Variants in CCDC171 observed in about 807,000 individuals in gnomAD.
The protein encoded by CCDC171 is coiled-coil domain containing 171, also known as coiled-coil domain-containing protein 171.
In CCDC171, 177 loss-of-function variants were observed where a neutral mutation model predicts 168.2. The ratio of observed to expected loss-of-function variants is 1.05; its 90% CI spans 0.93 to 1.19. The LOEUF is 1.19. Ranked by LOEUF, CCDC171 falls within the 50% of genes most tolerant of loss-of-function variation. The pLI is 0.00. For missense variants in CCDC171, 1,991 were observed against 1,539.0 expected, an observed-to-expected ratio of 1.29 and a Z score of -4.91; for synonymous variants, 687 against 540.8, an observed-to-expected ratio of 1.27 and a Z score of -3.75.
chr9:15,552,942 C>T (rs543056184), upstream of CCDC171: 50 of 151,440 alleles, frequency 3.3e-4, no homozygotes, highest in African/African-American at 1.0e-3. Flanking sequence ...CTCTTCCAAT[C>T]CGAGCCAGCG....
chr9:16,107,371 T>C, the CCDC171 span, among the ~76,000 whole-genome samples: 8 of 152,208 alleles, frequency 5.3e-5, no homozygotes, highest in African/African-American at 9.7e-5. Context: ...ACTTTACGTA[T>C]ATCTGAGCTC....
At position 15,657,203 on chromosome 9, in the gene CCDC171, A is replaced by C; in HGVS notation, c.899A>C (p.Asn300Thr). The C allele has an allele frequency of 6.2e-7, 1 of 1,604,596 alleles. No homozygotes were observed. The highest frequency in any genetic ancestry group is 1.1e-5 in the South Asian group (1 of 90,650). Residue 300 changes from asparagine to threonine, a missense_variant, in exon 8 of 26, where the codon AAT (asparagine) becomes ACT (threonine). Asn to Thr is a moderately conservative substitution (Grantham distance 65). Transcript: ENST00000380701. ...ERAAHLESKF[N>T]SEIIQLRIRD... The stretch of plus-strand genomic sequence containing the variant: ...GCAGCGCATTTGGAATCAAAATTTA[A>C]TTCTGAAATTATTCAGGTAAAATGT...
chr9:15,715,713 G>GT (rs1044364914), intron 11 of CCDC171, among the ~76,000 whole-genome samples: 54 of 152,276 alleles, frequency 3.5e-4, no homozygotes, highest in African/African-American at 1.2e-3. Context: ...AATGAAGTAG[G>GT]TAACAAGGTG....
At chr9:15,986,233 A>T (rs1303197175) in intron 3 of CCDC171, among the ~76,000 whole-genome samples, 1 of 152,216 alleles carries the variant, frequency 6.6e-6, no homozygotes, top group Non-Finnish European at 1.5e-5. Context: ...CAAAGAATTG[A>T]CCAATATGTA....
intron 3 of CCDC171, among the ~76,000 whole-genome samples, chr9:15,576,091 C>A (rs1286339631): frequency 2.0e-4 from 28 of 140,992 alleles, no homozygotes; most frequent in South Asian, 2.3e-4. Context: ...GACTCTGTCT[C>A]AAAAAAAAAA....
At chr9:15,795,777 A>G (rs1221935744) in intron 21 of CCDC171, among the ~76,000 whole-genome samples, 1 of 152,194 alleles carries the variant, frequency 6.6e-6, no homozygotes, top group Non-Finnish European at 1.5e-5. Context: ...TCTACTCAGG[A>G]CTGTGGGTGG....
intron 21 of CCDC171, among the ~76,000 whole-genome samples, chr9:15,785,881 T>C (rs1194706982): frequency 6.6e-6 from 1 of 152,084 alleles, no homozygotes; most frequent in East Asian, 1.9e-4. Flanking sequence ...ACTATTATTA[T>C]GATTTTGATT....
At chr9:15,656,870 T>A (rs547216720) in intron 7 of CCDC171, among the ~76,000 whole-genome samples, 24 of 152,110 alleles carry the variant, frequency 1.6e-4, no homozygotes, top group Non-Finnish European at 2.6e-4. Context: ...TGTATAAAAA[T>A]TTATCAAAAA....
intron 11 of CCDC171, among the ~76,000 whole-genome samples, chr9:15,701,665 C>T (rs953607360): frequency 5.3e-5 from 8 of 151,620 alleles, no homozygotes; most frequent in African/African-American, 1.2e-4. Context: ...CTGCAACCTC[C>T]GCCTCTCCGG....
Position 15,761,648 on chromosome 9 carries a change from A to T in CCDC171, c.2672-15952A>T, listed in dbSNP as rs569570368. Among the ~76,000 whole-genome samples, 347 of 152,186 alleles carry T rather than the reference A, an allele frequency of 2.3e-3. 3 individuals carry two copies. The highest frequency in any genetic ancestry group is 0.01 in the Middle Eastern group (3 of 294). ...ATTTTTATTTTGTTATTTAAAAAAAATTTTTTGTGTATGGGATTTTGTTAT... is the reference window on the plus strand; with the variant it reads ...ATTTTTATTTTGTTATTTAAAAAAATTTTTTTGTGTATGGGATTTTGTTAT... On this transcript the variant is annotated intron_variant, in intron 18 of 25. Transcript: ENST00000380701.
In CCDC171 at chr9:15,973,024, A is replaced by G. The variant is rs1831489122; in HGVS notation, c.*1188A>G. 2 of 152,250 alleles carry G rather than the reference A, an allele frequency of 1.3e-5. No homozygotes were observed. 9.4% of individuals were successfully genotyped at this position (152,250 alleles called of 1,614,324 possible). On this transcript the variant is annotated 3_prime_UTR_variant, in exon 26 of 26. Transcript: ENST00000380701. ...TGTTCTGTTGGGTATCGCTAGACAG[A>G]CTGTTCTTTATCGCCTTCAGAAGAT...
chr9:15,831,969 T>G (rs1181540997), intron 21 of CCDC171, among the ~76,000 whole-genome samples: 1 of 152,164 alleles, frequency 6.6e-6, no homozygotes, highest in East Asian at 1.9e-4. Context: ...TTTGATTTCT[T>G]TTTTTGTCCC....
intron 9 of CCDC171, among the ~76,000 whole-genome samples, chr9:15,677,761 C>A (rs2049693954): frequency 1.4e-5 from 2 of 140,796 alleles, no homozygotes; most frequent in African/African-American, 2.6e-5. Context: ...ATTTATATAC[C>A]TATATGTGTG....
chr9:15,991,089 A>G (rs1266700493), intron 3 of CCDC171, among the ~76,000 whole-genome samples: 1 of 152,216 alleles, frequency 6.6e-6, no homozygotes, highest in Non-Finnish European at 1.5e-5. Context: ...ATAGATATCT[A>G]CAGAACTCTC....
rs774176765 is a variant in CCDC171, at chr9:15,971,929, A to G, written c.*93A>G. 1.0e-5 allele frequency: 11 copies of G among 1,094,798 alleles called. No individual in the cohort carries two copies. In the Middle Eastern group the frequency reaches 1.6e-3, roughly 162 times the overall value. The allele number at this position is 1,094,798 out of a possible 1,614,324, so 67.8% of individuals were successfully genotyped here. A position where few individuals can be genotyped will look rare whatever the true frequency, so the allele number is the denominator to read the frequency against. ...CTTATCAGTTGACTTTTGTTTCAGC[A>G]GAAGTGGCAGTGGATTTAAAAAATT... On this transcript the variant is annotated 3_prime_UTR_variant, in exon 26 of 26. Transcript: ENST00000380701.
chr9:15,622,373 C>A (rs1260330971), intron 6 of CCDC171, among the ~76,000 whole-genome samples: 1 of 152,120 alleles, frequency 6.6e-6, no homozygotes, highest in Non-Finnish European at 1.5e-5. Context: ...ACTTAGGATG[C>A]TGGGTGTTTT....
intron 21 of CCDC171, among the ~76,000 whole-genome samples, chr9:15,792,245 A>C (rs1319414550): frequency 6.6e-6 from 1 of 152,224 alleles, no homozygotes; most frequent in Non-Finnish European, 1.5e-5. Flanking sequence ...CAAATGAATG[A>C]AATGAAGTGA....
At chr9:15,981,319 C>G (rs1027777992) in intron 3 of CCDC171, among the ~76,000 whole-genome samples, 7 of 152,140 alleles carry the variant, frequency 4.6e-5, no homozygotes, top group Non-Finnish European at 4.4e-5. Context: ...TCTTTCTCCA[C>G]CACATAAGGA....
chr9:15,609,266 A>AT (rs918580509), intron 6 of CCDC171, among the ~76,000 whole-genome samples: 1 of 151,304 alleles, frequency 6.6e-6, no homozygotes, highest in Non-Finnish European at 1.5e-5. Context: ...TGCCCAGCTA[A>AT]TTTTTTATTT....
Sources: allele counts gnomAD v4.1 joint callset (sites outside exome capture counted in the v4.1 genomes callset), GRCh38; gene constraint gnomAD v4.1.1; transcripts MANE v1.5; gene names NCBI Gene and HGNC (gene_info 2026-07-23, HGNC 2026-07-21).